The following NTRK3 variants were observed in gnomAD, a reference collection of about 807,000 sequenced individuals.
NTRK3 encodes the protein neurotrophic receptor tyrosine kinase 3, also known as NT-3 growth factor receptor.
Under a neutral mutation model 91.7 loss-of-function variants are expected in NTRK3, and 24 were observed. The ratio of observed to expected loss-of-function variants is 0.26; its 90% confidence interval spans 0.19 to 0.37. The LOEUF (loss-of-function observed/expected upper bound fraction) is 0.37, where lower values mean the gene tolerates loss of function less well. Ranked by LOEUF, NTRK3 falls within the 10% of genes least tolerant of loss-of-function variation. The probability of loss-of-function intolerance (pLI) is 1.00; values close to 1 mark genes in which losing one functional copy is unlikely to be tolerated. For synonymous variants in NTRK3, 483 were observed against 404.0 expected (o/e 1.20, Z -2.34); for missense variants, 880 against 1,068.9 (o/e 0.82, Z 2.46).
chr15:88,218,852 CT>C (rs1173897256), intron 3 of NTRK3, among the ~76,000 whole-genome samples: 1 of 152,238 alleles, frequency 6.6e-6, no homozygotes, highest in African/African-American at 2.4e-5. Context: ...ATCCCTTGCC[CT>C]AAGAGTTCTC....
At chr15:88,217,012 A>G (rs2049836894) in intron 3 of NTRK3, among the ~76,000 whole-genome samples, 1 of 152,248 alleles carries the variant, frequency 6.6e-6, no homozygotes, top group African/African-American at 2.4e-5. Context: ...CGATAAGCAC[A>G]TGAAGACATA....
At chr15:87,952,239 G>GA (rs977270951) in intron 14 of NTRK3, among the ~76,000 whole-genome samples, 1 of 148,626 alleles carries the variant, frequency 6.7e-6, no homozygotes, top group Non-Finnish European at 1.5e-5. Context: ...GAAAAGAAAA[G>GA]AAAAAGAAAG....
intron 13 of NTRK3, among the ~76,000 whole-genome samples, chr15:88,070,854 A>G (rs541384972): frequency 1.3e-5 from 2 of 152,320 alleles, no homozygotes; most frequent in South Asian, 4.1e-4. Context: ...GCACCCAAAA[A>G]GAAAAGCCAT....
chr15:87,886,493 G>C (rs180771826), intron 17 of NTRK3, among the ~76,000 whole-genome samples: 3 of 150,418 alleles, frequency 2.0e-5, no homozygotes, highest in Admixed American at 2.0e-4. Context: ...ACAACACAAG[G>C]CATTGAAAAA....
chr15:87,994,396 C>T (rs2075525865), intron 14 of NTRK3, among the ~76,000 whole-genome samples: 1 of 152,148 alleles, frequency 6.6e-6, no homozygotes, highest in African/African-American at 2.4e-5. Flanking sequence ...AAAATGTGAA[C>T]ACAGATAGAT....
chr15:88,042,750 T>C (rs949784792), intron 13 of NTRK3, among the ~76,000 whole-genome samples: 1 of 152,168 alleles, frequency 6.6e-6, no homozygotes, highest in African/African-American at 2.4e-5. Context: ...TTACCTCCCT[T>C]AATCATCACC....
intron 3 of NTRK3, among the ~76,000 whole-genome samples, chr15:88,215,382 C>T (rs1236680306): frequency 6.6e-6 from 1 of 152,224 alleles, no homozygotes; most frequent in African/African-American, 2.4e-5. Flanking sequence ...AACTGTCTCC[C>T]TCGTGCAGAT....
intron 14 of NTRK3, among the ~76,000 whole-genome samples, chr15:87,941,407 C>A (rs555009401): frequency 6.6e-6 from 1 of 152,060 alleles, no homozygotes; most frequent in Non-Finnish European, 1.5e-5. Context: ...AAGAGCTTGG[C>A]CCAGTGATGA....
chr15:88,206,515 G>T (rs1597950888), intron 3 of NTRK3, among the ~76,000 whole-genome samples: 1 of 150,210 alleles, frequency 6.7e-6, no homozygotes. Flanking sequence ...AAAATTAGCC[G>T]GGCGCGGTGG....
intron 13 of NTRK3, among the ~76,000 whole-genome samples, chr15:88,101,394 T>C (rs2050156119): frequency 6.6e-6 from 1 of 152,066 alleles, no homozygotes; most frequent in Non-Finnish European, 1.5e-5. Context: ...TGTGGAGAAA[T>C]AGGAACACTT....
chr15:88,182,441 T>C (rs1396505671), intron 5 of NTRK3, among the ~76,000 whole-genome samples: 1 of 152,120 alleles, frequency 6.6e-6, no homozygotes, highest in African/African-American at 2.4e-5. Context: ...CCAGCTGCCC[T>C]CCGTTACCAA....
intron 14 of NTRK3, among the ~76,000 whole-genome samples, chr15:87,961,209 T>C (rs1242255123): frequency 6.6e-6 from 1 of 152,184 alleles, no homozygotes; most frequent in Non-Finnish European, 1.5e-5. Context: ...CACAATGTGG[T>C]ATATGACTTC....
intron 14 of NTRK3, among the ~76,000 whole-genome samples, chr15:87,985,891 G>A (rs2074728974): frequency 6.6e-6 from 1 of 152,040 alleles, no homozygotes; most frequent in Admixed American, 6.6e-5. Context: ...TGTGCTGGGG[G>A]GCCACCCACC....
At chr15:88,158,788 G>T (rs991676852) in intron 5 of NTRK3, among the ~76,000 whole-genome samples, 2 of 152,122 alleles carry the variant, frequency 1.3e-5, no homozygotes, top group African/African-American at 4.8e-5. Flanking sequence ...GGGAGGTGGA[G>T]GCCAGGCCTG....
chr15:87,870,215 CACAA>C (rs2064790116), exon 19 of NTRK3: 1 of 185,038 alleles, frequency 5.4e-6, no homozygotes, highest in Non-Finnish European at 1.1e-5. Flanking sequence ...CACACACACA[CACAA>C]ACATATATAT....
intron 17 of NTRK3, among the ~76,000 whole-genome samples, chr15:87,923,516 A>C (rs976672023): frequency 6.6e-6 from 1 of 152,292 alleles, no homozygotes; most frequent in South Asian, 2.1e-4. Context: ...ACCTACTCAT[A>C]CTGTTAGATG....
At position 88,240,466 on chromosome 15, in the gene NTRK3, C is replaced by T. The variant is rs1481200017; in HGVS notation, c.248+15440G>A. Among the ~76,000 whole-genome samples, 1 of 152,160 alleles carries T rather than the reference C, an allele frequency of 6.6e-6. No individual in the cohort carries two copies. Among genetic ancestry groups the T allele is most frequent in the East Asian group, 1.9e-4 (1 of 5,190 alleles). On this transcript the variant is annotated intron_variant, in intron 3 of 18. Coordinates refer to ENST00000394480, the Ensembl canonical transcript of NTRK3. This position sits in a 1 kb window ranked among gnomAD's most constrained non-coding sequence, Gnocchi z 4.9. Reference sequence around the variant, plus strand: ...TCAAACTCCACTGAGTCCCAAGGGCCCCTTCTACCCCACCCTCCTTACCAC... The same window carrying T: ...TCAAACTCCACTGAGTCCCAAGGGCTCCTTCTACCCCACCCTCCTTACCAC...
intron 14 of NTRK3, among the ~76,000 whole-genome samples, chr15:88,015,864 T>G (rs1018826188): frequency 6.6e-6 from 1 of 152,118 alleles, no homozygotes; most frequent in African/African-American, 2.4e-5. Context: ...CTTGATTGAC[T>G]GATCGCCAGC....
chr15:88,186,372 G>A (rs545132124), intron 3 of NTRK3, among the ~76,000 whole-genome samples: 4 of 152,204 alleles, frequency 2.6e-5, no homozygotes, highest in East Asian at 3.9e-4. Context: ...GCCCACAAAC[G>A]GACCCTTCCC....
Sources: gnomAD v4.1 joint callset for allele counts (sites outside exome capture counted in the v4.1 genomes callset) on GRCh38, gnomAD v4.1.1 for gene constraint, Gnocchi (gnomAD v3.1) non-coding constraint, MANE v1.5 for transcripts, NCBI Gene and HGNC (gene_info 2026-07-23, HGNC 2026-07-21) for gene names.